Variants in COL4A2 observed in about 807,000 individuals in gnomAD.
COL4A2 encodes the protein collagen alpha-2(IV) chain.
A neutral mutation model predicts 200.2 loss-of-function variants in COL4A2; 99 were observed. The ratio of observed to expected loss-of-function variants is 0.49; its 90% CI spans 0.42 to 0.58. COL4A2 has a LOEUF of 0.58. Ranked by LOEUF, COL4A2 falls within the 20% of genes least tolerant of loss-of-function variation. The pLI, the probability that COL4A2 is intolerant of heterozygous loss-of-function variation, is 0.00. For missense variants in COL4A2, 1,950 were observed against 2,314.1 expected, an observed-to-expected ratio of 0.84 and a Z score of 3.23; for synonymous variants, 897 against 900.6, an observed-to-expected ratio of 1.00 and a Z score of 0.07.
At chr13:110,501,558 C>A in intron 40 of COL4A2, 110 bp from the exon 41 acceptor site, 1 of 978,900 alleles carries the variant, frequency 1.0e-6, no homozygotes, top group Non-Finnish European at 1.6e-6. Context: ...CCATCACTGT[C>A]TCGCTCGCTA....
chr13:110,465,598 G>C lies in COL4A2; in HGVS notation c.1970G>C (p.Gly657Ala). Residue 657 changes from glycine to alanine, a missense_variant, in exon 25 of 48, where the codon GGA (glycine) becomes GCA (alanine). Around this residue, in one of 2 missense-constraint regions of COL4A2, gnomAD observed 1,385 missense variants for 1,720.5 expected, o/e 0.80. Coordinates refer to ENST00000360467, the MANE Select transcript of COL4A2 (RefSeq NM_001846.4). ...LGPPGPAGTP[G>A]QIDCDTDVKR... is the part of the protein sequence containing the mutation. ...CCTCCTGGCCCCGCAGGGACCCCAG[G>C]ACAAATAGGTATGAAGGAATCCTCC... 1 of 1,610,176 alleles carries C rather than the reference G, an allele frequency of 6.2e-7. No individual in the cohort carries two copies. Among genetic ancestry groups the C allele is most frequent in the Non-Finnish European group, 8.5e-7 (1 of 1,178,758 alleles).
chr13:110,478,920 ACAGT>A (rs1330878966), intron 30 of COL4A2, among the ~76,000 whole-genome samples: 2 of 152,262 alleles, frequency 1.3e-5, no homozygotes, highest in African/African-American at 4.8e-5. Context: ...CTGGTTTGCC[ACAGT>A]CAGGCAACAG....
chr13:110,394,461 T>TGGTA (rs1446946362), intron 4 of COL4A2, among the ~76,000 whole-genome samples: 1 of 152,224 alleles, frequency 6.6e-6, no homozygotes, highest in Admixed American at 6.5e-5. Context: ...GGTCTTCTCC[T>TGGTA]GGTAGCGCCA....
At chr13:110,503,810 TTG>T (rs1297435467) in intron 43 of COL4A2, 35 bp from the exon 44 acceptor site, 1 of 1,613,044 alleles carries the variant, frequency 6.2e-7, no homozygotes, top group Non-Finnish European at 8.5e-7. Flanking sequence ...TGGAACGACC[TTG>T]TGTGTTTACT....
At chr13:110,389,425 C>T (rs1410245640) in intron 4 of COL4A2, among the ~76,000 whole-genome samples, 2 of 152,304 alleles carry the variant, frequency 1.3e-5, no homozygotes, top group South Asian at 2.1e-4. Flanking sequence ...CGAGAATCCA[C>T]CCTTCATGAT....
chr13:110,439,799 G>T lies in COL4A2; in HGVS notation c.923G>T (p.Gly308Val). The T allele has an allele frequency of 6.2e-7, 1 of 1,614,028 alleles. No individual in the cohort carries two copies. Among genetic ancestry groups the T allele is most frequent in the Non-Finnish European group, 8.5e-7 (1 of 1,179,976 alleles). The change falls in exon 16 of 48, where the codon GGC becomes GTC. Residue 308 changes from glycine (G) to valine (V), a missense_variant. Around this residue, in one of 2 missense-constraint regions of COL4A2, gnomAD observed 565 missense variants for 593.5 expected, o/e 0.95. Coordinates refer to ENST00000360467, the MANE Select transcript of COL4A2 (RefSeq NM_001846.4). ...TTTTGTTCATTCCAGGGTTACCCTG[G>T]CTTGAGTGGTGAAAAAGGATCACCA... Reference protein sequence around the residue: ...MGFPGLRGYPGLSGEKGSPGQ... With the variant: ...MGFPGLRGYPVLSGEKGSPGQ...
At chr13:110,394,401 C>A (rs1879111571) in intron 4 of COL4A2, among the ~76,000 whole-genome samples, 1 of 152,164 alleles carries the variant, frequency 6.6e-6, no homozygotes, top group Admixed American at 6.5e-5. Context: ...ATAGGACAGT[C>A]ACATGACATT....
chr13:110,417,726 G>T (rs1880097327), intron 4 of COL4A2, among the ~76,000 whole-genome samples: 1 of 152,182 alleles, frequency 6.6e-6, no homozygotes, highest in Non-Finnish European at 1.5e-5. Context: ...GTAGCATTTT[G>T]TGTCTGGCTT....
At chr13:110,404,131 G>A (rs1879476920) in intron 4 of COL4A2, among the ~76,000 whole-genome samples, 1 of 152,184 alleles carries the variant, frequency 6.6e-6, no homozygotes, top group South Asian at 2.1e-4. Context: ...ATGAATTTTG[G>A]AGGGACACAG....
At chr13:110,361,128 A>G (rs961238480) in intron 4 of COL4A2, among the ~76,000 whole-genome samples, 4 of 152,202 alleles carry the variant, frequency 2.6e-5, no homozygotes, top group Non-Finnish European at 5.9e-5. Flanking sequence ...ACAGGAGACA[A>G]TTACTCTCAG....
chr13:110,470,901 C>T (rs754460327), intron 28 of COL4A2, among the ~76,000 whole-genome samples: 7 of 152,144 alleles, frequency 4.6e-5, no homozygotes, highest in South Asian at 2.1e-4. Context: ...TCATATGATG[C>T]GTTTCTCCAT....
chr13:110,494,728 T>C (rs1883397832), intron 39 of COL4A2, among the ~76,000 whole-genome samples: 1 of 152,038 alleles, frequency 6.6e-6, no homozygotes, highest in South Asian at 2.1e-4. Context: ...TTAACACATT[T>C]AAGAGGAAAA....
intron 4 of COL4A2, among the ~76,000 whole-genome samples, chr13:110,408,840 C>T (rs535221288): frequency 0.012 from 841 of 72,296 alleles, 97 homozygotes; most frequent in Non-Finnish European, 0.018. Context: ...CACACATACA[C>T]GCACACATAT....
At chr13:110,482,394 A>G (rs1298142639) in intron 31 of COL4A2, 122 bp from the exon 32 acceptor site, 8 of 1,087,408 alleles carry the variant, frequency 7.4e-6, no homozygotes, top group Admixed American at 2.1e-5. Flanking sequence ...GGAAATCCCT[A>G]TTTTAGGTTC....
chr13:110,439,157 C>G (rs1314768608), intron 15 of COL4A2, among the ~76,000 whole-genome samples: 5 of 152,184 alleles, frequency 3.3e-5, no homozygotes, highest in Non-Finnish European at 5.9e-5. Context: ...GAGCCCCAGC[C>G]TGGACTGACC....
Position 110,512,020 on chromosome 13 carries a change from C to G in COL4A2, c.4968C>G (p.Ile1656Met). The G allele has an allele frequency of 6.2e-7, 1 of 1,613,572 alleles. No homozygotes were observed. Among genetic ancestry groups the G allele is most frequent in the Non-Finnish European group, 8.5e-7 (1 of 1,180,038 alleles). ...CLEDFRATPF[I>M]ECNGGRGTCH... Reference sequence around the variant, plus strand: ...AGGACTTCCGCGCCACACCATTCATCGAATGCAATGGAGGCCGCGGCACCT... The same window carrying G: ...AGGACTTCCGCGCCACACCATTCATGGAATGCAATGGAGGCCGCGGCACCT... The change falls in exon 48 of 48, where the codon ATC becomes ATG. Residue 1656 changes from isoleucine to methionine, a missense_variant. Ile to Met is a conservative substitution (Grantham distance 10). This residue lies in a region of COL4A2 where 1,385 missense variants were observed against 1,720.5 expected (regional missense o/e 0.80). Transcript: ENST00000360467.
At chr13:110,349,862 G>A (rs989645213) in intron 3 of COL4A2, among the ~76,000 whole-genome samples, 2 of 152,032 alleles carry the variant, frequency 1.3e-5, no homozygotes, top group African/African-American at 4.8e-5. Context: ...TTCTCGGGTT[G>A]AAGTGATTCT....
At position 110,385,587 on chromosome 13, in the gene COL4A2, G is replaced by A. The variant is rs79167410; in HGVS notation, c.180+28035G>A. On this transcript the variant is annotated intron_variant, in intron 4 of 47. Coordinates refer to ENST00000360467, the MANE Select transcript of COL4A2 (RefSeq NM_001846.4). ...GACCGTGGCTGCAGTGTGTGGATAG[G>A]CCGTGGTTACAGTGTGTGGATAGGC... Among the ~76,000 whole-genome samples, 144 of 32,480 alleles carry A rather than the reference G, an allele frequency of 4.4e-3. 10 individuals are homozygous for A. Among genetic ancestry groups the A allele is most frequent in the African/African-American group, 0.014 (126 of 9,306 alleles). The allele number at this position is 32,480 out of a possible 152,430, so 21.3% of individuals were successfully genotyped here. A position where few individuals can be genotyped will look rare whatever the true frequency, so the allele number is the denominator to read the frequency against.
intron 3 of COL4A2, among the ~76,000 whole-genome samples, chr13:110,351,901 G>GC (rs1876975011): frequency 6.6e-6 from 1 of 152,230 alleles, no homozygotes; most frequent in South Asian, 2.1e-4. Context: ...CGCCTGGGAA[G>GC]CCACTGAGCT....
Sources: allele counts gnomAD v4.1 joint callset (sites outside exome capture counted in the v4.1 genomes callset), GRCh38; gene constraint gnomAD v4.1.1; regional missense constraint gnomAD v4.1.1; transcripts MANE v1.5; gene names NCBI Gene and HGNC (gene_info 2026-07-23, HGNC 2026-07-21).